The following NLGN1 variants were observed in gnomAD, a reference collection of about 807,000 sequenced individuals.
NLGN1 encodes the protein neuroligin 1, also known as neuroligin-1.
A neutral mutation model predicts 65.5 loss-of-function variants in NLGN1; 12 were observed. The ratio of observed to expected loss-of-function variants is 0.18; its 90% CI spans 0.12 to 0.30. The LOEUF (loss-of-function observed/expected upper bound fraction) is 0.30, where lower values mean the gene tolerates loss of function less well. Among genes scored for constraint, NLGN1 ranks in the 10% least tolerant of loss-of-function variants. The pLI, the probability that NLGN1 is intolerant of heterozygous loss-of-function variation, is 1.00. For missense variants in NLGN1, 750 were observed against 1,007.1 expected (o/e 0.74, Z 3.46); for synonymous variants, 350 against 359.5 (o/e 0.97, Z 0.30).
At chr3:173,729,196 C>T (rs1484444571) in intron 3 of NLGN1, among the ~76,000 whole-genome samples, 3 of 152,030 alleles carry the variant, frequency 2.0e-5, no homozygotes, top group Non-Finnish European at 4.4e-5. Flanking sequence ...AGCAAGTTAT[C>T]TCTCAGTCAT....
intron 4 of NLGN1, among the ~76,000 whole-genome samples, chr3:174,063,410 G>C (rs1179777711): frequency 6.6e-6 from 1 of 152,134 alleles, no homozygotes; most frequent in Non-Finnish European, 1.5e-5. Context: ...CTGCAGAGAG[G>C]AATGAAGAGC....
At chr3:173,971,426 CAG>C (rs148129869) in intron 4 of NLGN1, among the ~76,000 whole-genome samples, 1,815 of 152,014 alleles carry the variant, frequency 0.012, 30 homozygotes, top group African/African-American at 0.04. Flanking sequence ...AAAGGAGAGA[CAG>C]AGGATGATGA....
intron 3 of NLGN1, among the ~76,000 whole-genome samples, chr3:173,783,610 A>G (rs1158095910): frequency 1.3e-5 from 2 of 152,136 alleles, no homozygotes; most frequent in Non-Finnish European, 2.9e-5. Context: ...AATGTTTTTC[A>G]TTCATTTGTT....
At chr3:173,927,533 A>C (rs560440571) in intron 4 of NLGN1, among the ~76,000 whole-genome samples, 2 of 152,072 alleles carry the variant, frequency 1.3e-5, no homozygotes, top group African/African-American at 4.8e-5. Flanking sequence ...CCTGGCTACT[A>C]TACACTTCTT....
chr3:174,172,537 G>T (rs1728736967), intron 4 of NLGN1, among the ~76,000 whole-genome samples: 1 of 151,960 alleles, frequency 6.6e-6, no homozygotes, highest in Admixed American at 6.6e-5. Flanking sequence ...TTGCATATAG[G>T]TGTCCAATTT....
Position 173,721,908 on chromosome 3 carries a change from G to A in NLGN1, c.494-85772G>A, listed in dbSNP as rs566375201. ...TGCTTTGATGCTGAGAAGGAAGTTG[G>A]TGTGACATGATGGGCAACATGAATA... On this transcript the variant is annotated intron_variant, in intron 3 of 6. Transcript: ENST00000457714. Among the ~76,000 whole-genome samples, 62 of 151,052 alleles carry A rather than the reference G, an allele frequency of 4.1e-4. 1 individual carries two copies. Among genetic ancestry groups the A allele is most frequent in the Admixed American group, 2.0e-3 (30 of 15,108 alleles).
At chr3:173,951,391 C>T (rs548710220) in intron 4 of NLGN1, among the ~76,000 whole-genome samples, 1 of 151,936 alleles carries the variant, frequency 6.6e-6, no homozygotes, top group Admixed American at 6.6e-5. Flanking sequence ...TCTGAAGCCA[C>T]AAATTGGTCT....
intron 4 of NLGN1, among the ~76,000 whole-genome samples, chr3:174,081,952 G>C (rs1196041538): frequency 1.3e-5 from 2 of 152,060 alleles, no homozygotes; most frequent in African/African-American, 4.8e-5. Flanking sequence ...TCGAATTTGG[G>C]GACATTCCTA....
At chr3:173,670,971 A>C (rs901440710) in intron 3 of NLGN1, among the ~76,000 whole-genome samples, 10 of 152,208 alleles carry the variant, frequency 6.6e-5, no homozygotes, top group Non-Finnish European at 1.2e-4. Context: ...ACAACTTTTA[A>C]CCGTGTAATG....
At position 173,451,463 on chromosome 3, in the gene NLGN1, C is replaced by T. The variant is rs925978394; in HGVS notation, c.-321+16385C>T. 9.2e-5 allele frequency among the ~76,000 whole-genome samples: 14 copies of T among 152,258 alleles called. No individual in the cohort carries two copies. In the South Asian group the frequency reaches 1.5e-3, roughly 16 times the overall value. On this transcript the variant is annotated intron_variant, in intron 2 of 6. Transcript: ENST00000457714. The stretch of plus-strand genomic sequence containing the variant: ...TACCTGGCCGTGTGAGGTGTCAGTC[C>T]GCCCCTAATGGGGGGTGCCTCCCAG...
intron 1 of NLGN1, among the ~76,000 whole-genome samples, chr3:173,407,088 G>C (rs904416009): frequency 1.3e-5 from 2 of 152,042 alleles, no homozygotes; most frequent in Non-Finnish European, 2.9e-5. Flanking sequence ...AAGATACTAG[G>C]TTTCAAGATG....
intron 4 of NLGN1, among the ~76,000 whole-genome samples, chr3:173,813,047 CAG>C (rs1406398140): frequency 1.3e-5 from 2 of 151,082 alleles, no homozygotes; most frequent in Admixed American, 1.3e-4. Context: ...AAAAGGAAAA[CAG>C]AACGAGAGAA....
chr3:173,464,812 G>T lies in NLGN1; in HGVS notation c.-321+29734G>T, dbSNP rs1724053733. ...AATAGATAGAGTCAGCCTATCTTTA[G>T]AAACCCCTAATGGCAGAGGTTAGTC... On this transcript the variant is annotated intron_variant, in intron 2 of 6. Transcript: ENST00000457714. Among the ~76,000 whole-genome samples, 4 of 152,136 alleles carry T rather than the reference G, an allele frequency of 2.6e-5. No individual in the cohort carries two copies. In the South Asian group the frequency reaches 8.3e-4, roughly 31 times the overall value.
intron 4 of NLGN1, among the ~76,000 whole-genome samples, chr3:173,871,458 G>A (rs545847670): frequency 1.3e-5 from 2 of 152,146 alleles, no homozygotes; most frequent in African/African-American, 2.4e-5. Context: ...ACTAGACGTA[G>A]ACAGATCTTG....
At chr3:173,712,128 A>ATGGG (rs1424174963) in intron 3 of NLGN1, among the ~76,000 whole-genome samples, 1 of 152,174 alleles carries the variant, frequency 6.6e-6, no homozygotes, top group Non-Finnish European at 1.5e-5. Context: ...ATAATAATGT[A>ATGGG]TGGGGTATGT....
chr3:173,768,996 C>G (rs563650365), intron 3 of NLGN1, among the ~76,000 whole-genome samples: 1 of 152,174 alleles, frequency 6.6e-6, no homozygotes, highest in Non-Finnish European at 1.5e-5. Context: ...TGTTGAAATC[C>G]TGGACTCAAG....
chr3:173,818,067 A>G (rs1719402851), intron 4 of NLGN1, among the ~76,000 whole-genome samples: 1 of 152,200 alleles, frequency 6.6e-6, no homozygotes, highest in African/African-American at 2.4e-5. Flanking sequence ...TTTCTTTCAG[A>G]GCAGAAGTCA....
At chr3:174,113,698 G>A (rs1027814126) in intron 4 of NLGN1, among the ~76,000 whole-genome samples, 2 of 152,060 alleles carry the variant, frequency 1.3e-5, no homozygotes, top group Non-Finnish European at 2.9e-5. Context: ...CTATGTCATA[G>A]GCATGTTGTA....
chr3:173,614,154 G>A (rs1181354151), intron 3 of NLGN1, among the ~76,000 whole-genome samples: 1 of 151,954 alleles, frequency 6.6e-6, no homozygotes, highest in East Asian at 1.9e-4. Flanking sequence ...CTCTTCTAGA[G>A]TCTTCTTTCT....
Sources: gnomAD v4.1 joint callset for allele counts (sites outside exome capture counted in the v4.1 genomes callset) on GRCh38, gnomAD v4.1.1 for gene constraint, MANE v1.5 for transcripts, NCBI Gene and HGNC (gene_info 2026-07-23, HGNC 2026-07-21) for gene names.